The following RORA variants were observed in gnomAD, a reference collection of about 807,000 sequenced individuals.
RORA encodes the protein nuclear receptor ROR-alpha.
A neutral mutation model predicts 69.5 loss-of-function variants in RORA; 7 were observed. The observed-to-expected ratio is 0.10, with a 90% CI of 0.06 to 0.19. The LOEUF (loss-of-function observed/expected upper bound fraction) is 0.19. Among genes scored for constraint, RORA ranks in the 10% least tolerant of loss-of-function variants. RORA has a pLI of 1.00. For synonymous variants in RORA, 261 were observed against 240.8 expected, an observed-to-expected ratio of 1.08 and a Z score of -0.78; for missense variants, 457 against 663.0, an observed-to-expected ratio of 0.69 and a Z score of 3.41.
chr15:61,164,955 G>T (rs1331973625), intron 1 of RORA, among the ~76,000 whole-genome samples: 1 of 152,118 alleles, frequency 6.6e-6, no homozygotes, highest in East Asian at 1.9e-4. Context: ...TTCAAAGACA[G>T]ATCGGCAGCT....
At chr15:61,189,398 A>G (rs1405763658) in intron 1 of RORA, among the ~76,000 whole-genome samples, 1 of 152,118 alleles carries the variant, frequency 6.6e-6, no homozygotes, top group African/African-American at 2.4e-5. Flanking sequence ...CTTGTTTTTG[A>G]GAGGATCTTC....
intron 1 of RORA, among the ~76,000 whole-genome samples, chr15:60,812,344 T>C (rs1347021993): frequency 1.3e-5 from 2 of 152,100 alleles, no homozygotes; most frequent in South Asian, 2.1e-4. Flanking sequence ...TCTCTACAAA[T>C]ATATATATTT....
intron 2 of RORA, among the ~76,000 whole-genome samples, chr15:60,546,071 C>T (rs2067060025): frequency 6.6e-6 from 1 of 152,174 alleles, no homozygotes; most frequent in African/African-American, 2.4e-5. Context: ...CCACCTGCTA[C>T]ATGCTTTCTC....
intron 1 of RORA, among the ~76,000 whole-genome samples, chr15:60,865,284 G>A (rs2073475456): frequency 6.6e-6 from 1 of 152,142 alleles, no homozygotes; most frequent in Non-Finnish European, 1.5e-5. Context: ...TCTATCAAAT[G>A]GAGAAGTTGG....
At chr15:61,060,628 C>T (rs2078170560) in intron 1 of RORA, among the ~76,000 whole-genome samples, 1 of 152,164 alleles carries the variant, frequency 6.6e-6, no homozygotes, top group African/African-American at 2.4e-5. Flanking sequence ...TTCTAGCTTT[C>T]TCATGCCAAG....
chr15:61,126,528 A>G (rs1006913653), intron 1 of RORA, among the ~76,000 whole-genome samples: 5 of 152,214 alleles, frequency 3.3e-5, no homozygotes, highest in African/African-American at 1.2e-4. Flanking sequence ...TTTTTAAAAA[A>G]TGACTACTGT....
chr15:60,545,508 A>G (rs1237721181), intron 2 of RORA, among the ~76,000 whole-genome samples: 1 of 152,226 alleles, frequency 6.6e-6, no homozygotes, highest in Non-Finnish European at 1.5e-5. Flanking sequence ...GCTGATTAGT[A>G]TGGAACTTAA....
intron 1 of RORA, among the ~76,000 whole-genome samples, chr15:60,962,978 G>A (rs1893455993): frequency 6.6e-6 from 1 of 152,200 alleles, no homozygotes; most frequent in East Asian, 1.9e-4. Flanking sequence ...TAGGAAGAGA[G>A]TATTACTTTC....
chr15:60,716,059 A>G (rs1484061521), intron 1 of RORA, among the ~76,000 whole-genome samples: 1 of 151,942 alleles, frequency 6.6e-6, no homozygotes, highest in Non-Finnish European at 1.5e-5. Context: ...TGTGCATACG[A>G]ATTGCCTGGA....
chr15:60,829,371 G>A (rs762325103), intron 1 of RORA, among the ~76,000 whole-genome samples: 10 of 152,208 alleles, frequency 6.6e-5, no homozygotes, highest in Non-Finnish European at 1.3e-4. Flanking sequence ...GGCAGTGAGG[G>A]TGACAGAGGG....
chr15:61,217,299 A>C (rs1211497102), intron 1 of RORA, among the ~76,000 whole-genome samples: 1 of 152,194 alleles, frequency 6.6e-6, no homozygotes, highest in Non-Finnish European at 1.5e-5. Flanking sequence ...GAGGCCTGGC[A>C]GAGGAAGAGG....
At chr15:60,666,569 T>G (rs1416386819) in intron 2 of RORA, among the ~76,000 whole-genome samples, 2 of 152,060 alleles carry the variant, frequency 1.3e-5, no homozygotes, top group African/African-American at 4.8e-5. Context: ...ACCTTAAGAA[T>G]GTACTGTGGG....
intron 1 of RORA, among the ~76,000 whole-genome samples, chr15:60,919,410 C>A (rs990926533): frequency 2.3e-4 from 35 of 152,238 alleles, no homozygotes; most frequent in African/African-American, 8.0e-4. Flanking sequence ...GGAGCCCACA[C>A]AGGCCACCTC....
intron 1 of RORA, among the ~76,000 whole-genome samples, chr15:60,714,297 G>A (rs966339751): frequency 2.0e-5 from 3 of 152,060 alleles, no homozygotes; most frequent in Admixed American, 6.5e-5. Context: ...GACCCCAGGT[G>A]ATCCACTGGT....
chr15:60,503,421 C>G (rs540777109), intron 7 of RORA, 114 bp downstream of exon 7: 1 of 962,810 alleles, frequency 1.0e-6, no homozygotes, highest in Admixed American at 2.4e-5. Context: ...AAAACCTGAG[C>G]TATTATCATT....
intron 2 of RORA, among the ~76,000 whole-genome samples, chr15:60,663,864 A>G (rs1039595615): frequency 2.6e-5 from 4 of 152,254 alleles, no homozygotes; most frequent in African/African-American, 7.2e-5. Context: ...TGGCTCTTCT[A>G]CATTTCAGTG....
intron 1 of RORA, among the ~76,000 whole-genome samples, chr15:61,100,861 A>G (rs1236454837): frequency 6.6e-6 from 1 of 152,216 alleles, no homozygotes; most frequent in East Asian, 1.9e-4. Flanking sequence ...GATTCTTACC[A>G]GCTTTAATTT....
chr15:60,766,508 C>T (rs897027411), intron 1 of RORA, among the ~76,000 whole-genome samples: 1 of 152,104 alleles, frequency 6.6e-6, no homozygotes, highest in African/African-American at 2.4e-5. Flanking sequence ...AATATGTAGG[C>T]GATGCCTGCT....
At chr15:61,175,632 G>A (rs1007239924) in intron 1 of RORA, among the ~76,000 whole-genome samples, 33 of 150,086 alleles carry the variant, frequency 2.2e-4, no homozygotes, top group African/African-American at 8.1e-4. Flanking sequence ...GTGGGGGATT[G>A]CTTGAGCCCG....
Sources: gnomAD v4.1 joint callset for allele counts (sites outside exome capture counted in the v4.1 genomes callset) on GRCh38, gnomAD v4.1.1 for gene constraint, MANE v1.5 for transcripts, NCBI Gene and HGNC (gene_info 2026-07-23, HGNC 2026-07-21) for gene names.